Variants in CNTNAP5 observed in about 807,000 individuals in gnomAD.
CNTNAP5 encodes the protein contactin-associated protein-like 5.
A neutral mutation model predicts 150.2 loss-of-function variants in CNTNAP5; 72 were observed. The ratio of observed to expected loss-of-function variants is 0.48; its 90% confidence interval spans 0.40 to 0.58. The LOEUF (loss-of-function observed/expected upper bound fraction) is 0.58, where lower values mean the gene tolerates loss of function less well. CNTNAP5 is among the 20% of genes least tolerant of loss of function. The pLI, the probability that CNTNAP5 is intolerant of heterozygous loss-of-function variation, is 0.00. For synonymous variants in CNTNAP5, 672 were observed against 619.8 expected, an observed-to-expected ratio of 1.08 and a Z score of -1.25; for missense variants, 1,636 against 1,626.2, an observed-to-expected ratio of 1.01 and a Z score of -0.10.
intron 13 of CNTNAP5, among the ~76,000 whole-genome samples, chr2:124,675,660 T>C (rs1483201895): frequency 6.6e-6 from 1 of 152,190 alleles, no homozygotes; most frequent in African/African-American, 2.4e-5. Context: ...CATTCTATAT[T>C]CATTACAATG....
At chr2:124,613,438 T>C (rs1558704636) in intron 12 of CNTNAP5, among the ~76,000 whole-genome samples, 1 of 152,184 alleles carries the variant, frequency 6.6e-6, no homozygotes, top group Non-Finnish European at 1.5e-5. Context: ...CAAGCCCACA[T>C]CTGTAAAATT....
At chr2:124,865,561 C>A in intron 20 of CNTNAP5, 125 bp downstream of exon 20, 1 of 867,120 alleles carries the variant, frequency 1.2e-6, no homozygotes, top group Non-Finnish European at 1.8e-6. Flanking sequence ...ATCACACTTG[C>A]CCCCAGACTT....
intron 13 of CNTNAP5, among the ~76,000 whole-genome samples, chr2:124,712,759 T>C (rs1466996621): frequency 6.6e-6 from 1 of 151,226 alleles, no homozygotes; most frequent in African/African-American, 2.4e-5. Flanking sequence ...TTTTTTTTTC[T>C]TTTTAAGAGA....
At chr2:124,872,422 A>T (rs1677771052) in intron 21 of CNTNAP5, among the ~76,000 whole-genome samples, 1 of 135,998 alleles carries the variant, frequency 7.4e-6, no homozygotes, top group Non-Finnish European at 1.6e-5. Context: ...GTGTGCGTGC[A>T]TGTGCGTTTG....
At chr2:124,669,073 T>A (rs1678756973) in intron 13 of CNTNAP5, among the ~76,000 whole-genome samples, 1 of 152,232 alleles carries the variant, frequency 6.6e-6, no homozygotes, top group Non-Finnish European at 1.5e-5. Flanking sequence ...TAATTCAGCA[T>A]GTGTTCTTTC....
chr2:124,210,195 G>T (rs1025062911), intron 1 of CNTNAP5, among the ~76,000 whole-genome samples: 1 of 152,008 alleles, frequency 6.6e-6, no homozygotes, highest in East Asian at 1.9e-4. Flanking sequence ...ATTATGACTT[G>T]CCATCTGAAT....
chr2:124,075,712 G>A (rs946587892), intron 1 of CNTNAP5, among the ~76,000 whole-genome samples: 1 of 152,098 alleles, frequency 6.6e-6, no homozygotes, highest in Admixed American at 6.6e-5. Context: ...ACATTTTGCT[G>A]TCTGTGTGTG....
intron 10 of CNTNAP5, among the ~76,000 whole-genome samples, chr2:124,558,879 T>C (rs973263057): frequency 3.3e-5 from 5 of 152,192 alleles, no homozygotes; most frequent in African/African-American, 4.8e-5. Context: ...CAGGATGAAA[T>C]TGGACTCCAG....
At chr2:124,488,722 A>G (rs181515051) in intron 7 of CNTNAP5, among the ~76,000 whole-genome samples, 25 of 152,332 alleles carry the variant, frequency 1.6e-4, no homozygotes, top group Admixed American at 1.0e-3. Flanking sequence ...ATTGAAGCTT[A>G]TGTTGTGATG....
intron 21 of CNTNAP5, among the ~76,000 whole-genome samples, chr2:124,875,743 T>C (rs1205357896): frequency 1.3e-5 from 2 of 149,886 alleles, no homozygotes; most frequent in Non-Finnish European, 3.0e-5. Flanking sequence ...AATGTGTCTG[T>C]CAAGGTGACT....
chr2:124,538,851 G>A (rs918814416), intron 10 of CNTNAP5, among the ~76,000 whole-genome samples: 1 of 152,180 alleles, frequency 6.6e-6, no homozygotes, highest in Non-Finnish European at 1.5e-5. Flanking sequence ...CCTTGGTATT[G>A]ATTCCTTTAC....
At chr2:124,872,485 C>T (rs535704972) in intron 21 of CNTNAP5, among the ~76,000 whole-genome samples, 1 of 149,542 alleles carries the variant, frequency 6.7e-6, no homozygotes, top group South Asian at 2.1e-4. Context: ...AAAATTAAGA[C>T]ACTCTCCTCA....
rs912677994 is a variant in CNTNAP5 at position 124,250,965 on chromosome 2, G to A, written c.381+8572G>A. Among the ~76,000 whole-genome samples the A allele has an allele frequency of 3.9e-5, 6 of 152,112 alleles. No homozygotes were observed. The South Asian group carries it at 1.2e-3, about 32-fold the overall frequency. ...GGCCTTAATGTTAATTGCAGATAAAGGTAACTAATTTTAGTCACTGATTAT... is the reference window on the plus strand; with the variant it reads ...GGCCTTAATGTTAATTGCAGATAAAAGTAACTAATTTTAGTCACTGATTAT... On this transcript the variant is annotated intron_variant, in intron 3 of 23. Transcript: ENST00000682447.
intron 10 of CNTNAP5, among the ~76,000 whole-genome samples, chr2:124,553,477 C>T (rs1453139256): frequency 7.1e-6 from 1 of 141,764 alleles, no homozygotes; most frequent in African/African-American, 2.6e-5. Context: ...GCACTCCAGC[C>T]TTGGTAGCAG....
In CNTNAP5 at chr2:124,763,699, C is replaced by T. The variant is rs956037734; in HGVS notation, c.2262C>T (p.Phe754=). ...EWTNDTGFLS[F]KDHLPVTQIV... ...CAAATGATACTGGCTTTCTTTCCTT[C>T]AAAGACCACTTGCCTGTCACTCAGA... Residue 754 remains phenylalanine (F), a synonymous_variant, in exon 15 of 24, where the codon TTC becomes TTT. Coordinates refer to ENST00000682447, the MANE Select transcript of CNTNAP5 (RefSeq NM_001367498.1). The T allele has an allele frequency of 1.9e-6, 3 of 1,612,562 alleles. No individual in the cohort carries two copies. The African/African-American group carries it at 4.0e-5, about 22-fold the overall frequency.
chr2:124,717,610 C>T (rs1328016249), intron 13 of CNTNAP5, among the ~76,000 whole-genome samples: 2 of 152,146 alleles, frequency 1.3e-5, no homozygotes, highest in Non-Finnish European at 2.9e-5. Flanking sequence ...GACATAAGGA[C>T]CTGGAATCCA....
intron 3 of CNTNAP5, among the ~76,000 whole-genome samples, chr2:124,403,201 G>A (rs1034578744): frequency 1.3e-5 from 2 of 152,118 alleles, no homozygotes; most frequent in East Asian, 1.9e-4. Context: ...TATGTAGCTC[G>A]AGGTATTAGC....
chr2:124,797,932 G>A (rs1027350294), intron 18 of CNTNAP5, among the ~76,000 whole-genome samples, 164 bp from the exon 19 acceptor site: 17 of 152,278 alleles, frequency 1.1e-4, no homozygotes, highest in African/African-American at 4.1e-4. Context: ...ATTAAGAATA[G>A]TGACTTCTGC....
At chr2:124,054,582 A>G (rs1252280597) in intron 1 of CNTNAP5, among the ~76,000 whole-genome samples, 1 of 152,176 alleles carries the variant, frequency 6.6e-6, no homozygotes, top group Admixed American at 6.5e-5. Context: ...AAGCATGAGG[A>G]GAGAGGGAAG....
Sources: allele counts gnomAD v4.1 joint callset (sites outside exome capture counted in the v4.1 genomes callset), GRCh38; gene constraint gnomAD v4.1.1; transcripts MANE v1.5; gene names NCBI Gene and HGNC (gene_info 2026-07-23, HGNC 2026-07-21).